The following ATRNL1 variants were observed in gnomAD, a reference collection of about 807,000 sequenced individuals.
ATRNL1 encodes the protein attractin like 1, also known as attractin-like protein 1.
In ATRNL1, 95 loss-of-function variants were observed where a neutral mutation model predicts 182.7. That is an observed-to-expected ratio of 0.52 (90% confidence interval 0.44 to 0.62). The LOEUF (loss-of-function observed/expected upper bound fraction) is 0.62, where lower values mean the gene tolerates loss of function less well. Ranked by LOEUF, ATRNL1 falls within the 20% of genes least tolerant of loss-of-function variation. The pLI is 0.00. For synonymous variants in ATRNL1, 576 were observed against 568.3 expected (o/e 1.01, Z -0.19); for missense variants, 1,471 against 1,679.5 (o/e 0.88, Z 2.17).
At chr10:115,512,032 T>A (rs1273808035) in intron 24 of ATRNL1, among the ~76,000 whole-genome samples, 1 of 151,946 alleles carries the variant, frequency 6.6e-6, no homozygotes, top group Non-Finnish European at 1.5e-5. Flanking sequence ...GGTGCATTTA[T>A]ACTGGCTTAA....
intron 9 of ATRNL1, among the ~76,000 whole-genome samples, chr10:115,218,149 G>C (rs1325360144): frequency 3.3e-5 from 5 of 151,696 alleles, no homozygotes; most frequent in Admixed American, 6.6e-5. Context: ...GAATAAGTGA[G>C]AATCCTGGGC....
At chr10:115,589,478 G>A (rs2769414) in intron 26 of ATRNL1, among the ~76,000 whole-genome samples, 148,096 of 152,212 alleles carry the variant, frequency 0.97, 72,201 homozygotes, top group East Asian at 1. Context: ...CTATATTTCA[G>A]TATCTGTTCC....
intron 28 of ATRNL1, among the ~76,000 whole-genome samples, chr10:115,877,540 A>T (rs1258253313): frequency 6.6e-6 from 1 of 152,238 alleles, no homozygotes; most frequent in African/African-American, 2.4e-5. Context: ...ATTTGTATAA[A>T]CAGGCAGATC....
chr10:115,505,067 A>T (rs1850041406), intron 24 of ATRNL1, among the ~76,000 whole-genome samples: 1 of 152,152 alleles, frequency 6.6e-6, no homozygotes, highest in South Asian at 2.1e-4. Context: ...ATAATAAGGT[A>T]CTGAGACAAA....
intron 26 of ATRNL1, among the ~76,000 whole-genome samples, chr10:115,594,875 A>C (rs1856136725): frequency 6.6e-6 from 1 of 152,212 alleles, no homozygotes; most frequent in Non-Finnish European, 1.5e-5. Flanking sequence ...CTCCAAGTCA[A>C]ACAGAGCTTT....
At position 115,527,137 on chromosome 10, in the gene ATRNL1, C is replaced by T. The variant is rs541111845; in HGVS notation, c.3716+7813C>T. ...GGCACTTTTTTTTTTTTTTCCCCCCCGAGATAGGGTCTCACTCTGCCTCCC... is the reference window on the plus strand; with the variant it reads ...GGCACTTTTTTTTTTTTTTCCCCCCTGAGATAGGGTCTCACTCTGCCTCCC... On this transcript the variant is annotated intron_variant, in intron 25 of 28. Coordinates refer to ENST00000355044, the MANE Select transcript of ATRNL1 (RefSeq NM_207303.4). Among the ~76,000 whole-genome samples the T allele has an allele frequency of 4.8e-3, 668 of 137,782 alleles. 7 individuals carry two copies. Among genetic ancestry groups the T allele is most frequent in the African/African-American group, 0.016 (611 of 37,338 alleles). The allele number at this position is 137,782 out of a possible 152,430, so 90.4% of individuals were successfully genotyped here.
intron 21 of ATRNL1, among the ~76,000 whole-genome samples, chr10:115,451,430 C>T (rs782706655): frequency 2.0e-5 from 3 of 151,998 alleles, no homozygotes; most frequent in Non-Finnish European, 4.4e-5. Flanking sequence ...AAACAAGCAA[C>T]CTCATTAAAA....
At chr10:115,395,629 G>C (rs1844249393) in intron 20 of ATRNL1, among the ~76,000 whole-genome samples, 1 of 151,368 alleles carries the variant, frequency 6.6e-6, no homozygotes, top group Non-Finnish European at 1.5e-5. Flanking sequence ...CCTTTCAGCT[G>C]GTTCCTTATA....
At chr10:115,347,656 C>T (rs1202552810) in intron 19 of ATRNL1, among the ~76,000 whole-genome samples, 2 of 151,752 alleles carry the variant, frequency 1.3e-5, no homozygotes, top group Non-Finnish European at 2.9e-5. Context: ...TTTAAAAATC[C>T]AACCTAATAA....
intron 26 of ATRNL1, among the ~76,000 whole-genome samples, chr10:115,589,598 T>C (rs1036135667): frequency 2.0e-5 from 3 of 152,176 alleles, no homozygotes; most frequent in African/African-American, 7.2e-5. Context: ...CTCCCCCTTA[T>C]TATTTGAGTG....
chr10:115,397,751 G>C (rs797032094), intron 20 of ATRNL1, among the ~76,000 whole-genome samples: 1 of 151,984 alleles, frequency 6.6e-6, no homozygotes, highest in Non-Finnish European at 1.5e-5. Flanking sequence ...CATGATCATA[G>C]CATTTCCGGT....
intron 27 of ATRNL1, among the ~76,000 whole-genome samples, chr10:115,791,490 A>G (rs1949531677): frequency 6.6e-6 from 1 of 152,292 alleles, no homozygotes; most frequent in South Asian, 2.1e-4. Context: ...AACTTTTATG[A>G]TAGTCATTCC....
chr10:115,098,118 TA>T (rs1371996213), intron 1 of ATRNL1, among the ~76,000 whole-genome samples: 1 of 152,212 alleles, frequency 6.6e-6, no homozygotes, highest in East Asian at 1.9e-4. Context: ...ATCCATGGAT[TA>T]TTTTTACATT....
At chr10:115,668,956 A>G (rs1945605094) in intron 26 of ATRNL1, among the ~76,000 whole-genome samples, 2 of 152,126 alleles carry the variant, frequency 1.3e-5, no homozygotes, top group Admixed American at 1.3e-4. Context: ...TCTTGATATT[A>G]AATTATTTTA....
intron 19 of ATRNL1, among the ~76,000 whole-genome samples, chr10:115,337,797 C>T (rs1340610572): frequency 1.3e-5 from 2 of 152,048 alleles, no homozygotes; most frequent in Non-Finnish European, 2.9e-5. Context: ...TCTGTTAATA[C>T]AGCAGTCCCC....
intron 26 of ATRNL1, among the ~76,000 whole-genome samples, chr10:115,725,713 A>C (rs1019272852): frequency 6.7e-6 from 1 of 148,674 alleles, no homozygotes; most frequent in African/African-American, 2.4e-5. Context: ...AAGACGAAGA[A>C]CCTGGTGTCT....
At chr10:115,442,459 G>A (rs1554965965) in intron 21 of ATRNL1, among the ~76,000 whole-genome samples, 1 of 151,742 alleles carries the variant, frequency 6.6e-6, no homozygotes, top group East Asian at 1.9e-4. Context: ...AATCTTCTCT[G>A]AACCTGTAAT....
Position 115,216,001 on chromosome 10 carries a change from G to A in ATRNL1, c.1532+121G>A, listed in dbSNP as rs370612660. On this transcript the variant is annotated intron_variant, in intron 9 of 28. Coordinates refer to ENST00000355044, the MANE Select transcript of ATRNL1 (RefSeq NM_207303.4). ...TGCATTCATTGTAAATGCTGATATC[G>A]TCTTAATTTCAGATGAGTAATTTTG... 98 of 702,804 alleles carry A rather than the reference G, an allele frequency of 1.4e-4. No homozygotes were observed. The South Asian group carries it at 2.9e-3, about 21-fold the overall frequency. 43.5% of individuals were successfully genotyped at this position (702,804 alleles called of 1,614,324 possible). A position where few individuals can be genotyped will look rare whatever the true frequency, so the allele number is the denominator to read the frequency against.
intron 26 of ATRNL1, among the ~76,000 whole-genome samples, chr10:115,561,704 G>GGGGGTGTGTGT (rs1554999765): frequency 6.9e-6 from 1 of 144,938 alleles, no homozygotes; most frequent in Non-Finnish European, 1.5e-5. Flanking sequence ...TGTGTGTGTG[G>GGGGGTGTGTGT]GTGTGTGTGT....
Sources: gnomAD v4.1 joint callset for allele counts (sites outside exome capture counted in the v4.1 genomes callset) on GRCh38, gnomAD v4.1.1 for gene constraint, MANE v1.5 for transcripts, NCBI Gene and HGNC (gene_info 2026-07-23, HGNC 2026-07-21) for gene names.